The following MINDY3 variants were observed in gnomAD, a reference collection of about 807,000 sequenced individuals.
The protein encoded by MINDY3 is ubiquitin carboxyl-terminal hydrolase MINDY-3.
A neutral mutation model predicts 69.2 loss-of-function variants in MINDY3; 38 were observed. The observed-to-expected ratio is 0.55, with a 90% confidence interval of 0.42 to 0.72. The LOEUF (loss-of-function observed/expected upper bound fraction) is 0.72, where lower values mean the gene tolerates loss of function less well. Ranked by LOEUF, MINDY3 falls within the 30% of genes least tolerant of loss-of-function variation. The pLI, the probability that MINDY3 is intolerant of heterozygous loss-of-function variation, is 0.00. For synonymous variants in MINDY3, 192 were observed against 180.1 expected (o/e 1.07, Z -0.53); for missense variants, 522 against 519.0 (o/e 1.01, Z -0.06).
intron 5 of MINDY3, 200 bp downstream of exon 5, chr10:15,838,028 T>C (rs1833206566): frequency 2.0e-6 from 2 of 981,146 alleles, no homozygotes; most frequent in Non-Finnish European, 2.4e-6. Flanking sequence ...TCTGGGTAGT[T>C]AATTAAGGAC....
intron 10 of MINDY3, among the ~76,000 whole-genome samples, chr10:15,811,618 G>A (rs936508344): frequency 6.6e-6 from 1 of 152,060 alleles, no homozygotes; most frequent in African/African-American, 2.4e-5. Context: ...AAAATGAATA[G>A]AACTCAAAAC....
chr10:15,810,306 GA>G (rs1838911719), intron 10 of MINDY3, among the ~76,000 whole-genome samples: 1 of 152,116 alleles, frequency 6.6e-6, no homozygotes, highest in Non-Finnish European at 1.5e-5. Flanking sequence ...AGATAGTTAA[GA>G]GGTTATTTCA....
intron 5 of MINDY3, chr10:15,837,636 T>A: frequency 8.0e-7 from 1 of 1,247,252 alleles, no homozygotes; most frequent in Non-Finnish European, 1.0e-6. Flanking sequence ...GTGGCCTTCT[T>A]GTAAGAGGGG....
chr10:15,851,394 C>G (rs1308643227), intron 1 of MINDY3, among the ~76,000 whole-genome samples: 1 of 152,056 alleles, frequency 6.6e-6, no homozygotes, highest in African/African-American at 2.4e-5. Context: ...GCATCTCCCT[C>G]TTCACCCTTT....
At chr10:15,802,788 C>CTAATTACTAAT (rs1838355897) in intron 10 of MINDY3, among the ~76,000 whole-genome samples, 1 of 151,546 alleles carries the variant, frequency 6.6e-6, no homozygotes, top group Admixed American at 6.6e-5. Flanking sequence ...ATTACTAATA[C>CTAATTACTAAT]AACAAACTGT....
intron 6 of MINDY3, among the ~76,000 whole-genome samples, chr10:15,836,350 G>C (rs1429457023): frequency 1.3e-5 from 2 of 151,892 alleles, no homozygotes; most frequent in Non-Finnish European, 2.9e-5. Context: ...CCATCTAATA[G>C]GTTCAGACAG....
intron 9 of MINDY3, among the ~76,000 whole-genome samples, chr10:15,820,305 T>C (rs980405475): frequency 6.6e-6 from 1 of 152,040 alleles, no homozygotes; most frequent in African/African-American, 2.4e-5. Flanking sequence ...AGAGGACCAG[T>C]GTGGCTGGAG....
intron 12 of MINDY3, chr10:15,789,042 C>A: frequency 2.4e-6 from 1 of 415,606 alleles, no homozygotes; most frequent in Non-Finnish European, 4.4e-6. Flanking sequence ...ACAGTAATTG[C>A]TGGGTGGGAA....
chr10:15,820,659 A>T (rs1839696580), intron 9 of MINDY3, among the ~76,000 whole-genome samples: 1 of 152,236 alleles, frequency 6.6e-6, no homozygotes, highest in Non-Finnish European at 1.5e-5. Context: ...GGGCAGGACA[A>T]ATCCAATTTG....
chr10:15,798,167 A>C (rs190784127), intron 10 of MINDY3, among the ~76,000 whole-genome samples: 21 of 152,292 alleles, frequency 1.4e-4, no homozygotes, highest in African/African-American at 4.8e-4. Flanking sequence ...ATTTCTAAGT[A>C]TTATTTAAAA....
At chr10:15,846,603 T>C (rs1245617713) in intron 2 of MINDY3, among the ~76,000 whole-genome samples, 1 of 152,140 alleles carries the variant, frequency 6.6e-6, no homozygotes, top group East Asian at 1.9e-4. Flanking sequence ...TATTTTGGAA[T>C]CAACCATAAT....
intron 2 of MINDY3, 26 bp from the exon 3 acceptor site, chr10:15,843,298 G>C (rs1833608232): frequency 2.6e-6 from 4 of 1,549,394 alleles, no homozygotes; most frequent in Non-Finnish European, 3.6e-6. Flanking sequence ...GCAATAATTA[G>C]TGAAATGCAT....
chr10:15,786,735 C>T, intron 12 of MINDY3, 87 bp from the exon 13 acceptor site: 1 of 778,308 alleles, frequency 1.3e-6, no homozygotes. Context: ...GGTACTACAA[C>T]ACATTCGGCT....
At chr10:15,857,944 G>A (rs910598540) in intron 1 of MINDY3, 1 of 985,022 alleles carries the variant, frequency 1.0e-6, no homozygotes, top group African/African-American at 1.7e-5. Context: ...GACTGCAGTT[G>A]TCAACTGAAG....
intron 8 of MINDY3, among the ~76,000 whole-genome samples, chr10:15,832,111 T>C (rs1306551347): frequency 6.6e-6 from 1 of 152,060 alleles, no homozygotes; most frequent in African/African-American, 2.4e-5. Flanking sequence ...GGGACTAGGG[T>C]AAGCTATCGA....
At chr10:15,784,764 C>G (rs1260734048) in intron 13 of MINDY3, among the ~76,000 whole-genome samples, 1 of 152,062 alleles carries the variant, frequency 6.6e-6, no homozygotes, top group African/African-American at 2.4e-5. Flanking sequence ...ACGGAATGAT[C>G]ACTATATTCA....
intron 5 of MINDY3, chr10:15,837,551 A>C: frequency 7.0e-7 from 1 of 1,418,574 alleles, no homozygotes; most frequent in Non-Finnish European, 9.4e-7. Context: ...CTTGGCAGGG[A>C]ACCTCTTCAT....
intron 1 of MINDY3, among the ~76,000 whole-genome samples, chr10:15,857,288 T>C (rs1834757178): frequency 6.6e-6 from 1 of 152,158 alleles, no homozygotes; most frequent in South Asian, 2.1e-4. Flanking sequence ...ACTAGCTGAG[T>C]GACTCCAAGT....
chr10:15,787,623 T>C (rs375229954), intron 12 of MINDY3, among the ~76,000 whole-genome samples: 22 of 152,236 alleles, frequency 1.4e-4, no homozygotes, highest in African/African-American at 5.1e-4. Flanking sequence ...TTAAGGTTTA[T>C]GAAAGCTGCA....
Sources: gnomAD v4.1 joint callset for allele counts (sites outside exome capture counted in the v4.1 genomes callset) on GRCh38, gnomAD v4.1.1 for gene constraint, MANE v1.5 for transcripts, NCBI Gene and HGNC (gene_info 2026-07-23, HGNC 2026-07-21) for gene names.